Variants in BCR observed in about 807,000 individuals in gnomAD.
BCR encodes BCR activator of RhoGEF and GTPase.
BCR carries 58 observed loss-of-function variants against 138.6 expected under a neutral mutation model. The ratio of observed to expected loss-of-function variants is 0.42; its 90% CI spans 0.34 to 0.52. The LOEUF (loss-of-function observed/expected upper bound fraction) is 0.52. Among genes scored for constraint, BCR ranks in the 20% least tolerant of loss-of-function variants. The pLI, the probability that BCR is intolerant of heterozygous loss-of-function variation, is 0.06. For synonymous variants in BCR, 786 were observed against 730.1 expected (o/e 1.08, Z -1.23); for missense variants, 1,599 against 1,727.2 (o/e 0.93, Z 1.32).
At chr22:23,270,402 G>T (rs142572020) in intron 5 of BCR, among the ~76,000 whole-genome samples, 3 of 152,194 alleles carry the variant, frequency 2.0e-5, no homozygotes, top group Non-Finnish European at 4.4e-5. Flanking sequence ...AGGTTTTCCT[G>T]GAGCTCCTAG....
At chr22:23,240,944 G>T (rs2073083373) in intron 1 of BCR, among the ~76,000 whole-genome samples, 1 of 152,170 alleles carries the variant, frequency 6.6e-6, no homozygotes, top group Non-Finnish European at 1.5e-5. Flanking sequence ...TTGTTTGTTT[G>T]TGCCTGGCTG....
At chr22:23,209,579 T>A (rs1364901339) in intron 1 of BCR, among the ~76,000 whole-genome samples, 2 of 147,734 alleles carry the variant, frequency 1.4e-5, no homozygotes, top group Admixed American at 6.6e-5. Context: ...AGTCTCGCTC[T>A]GTTGCCCAGG....
At chr22:23,222,361 C>G (rs1392647930) in intron 1 of BCR, among the ~76,000 whole-genome samples, 1 of 152,078 alleles carries the variant, frequency 6.6e-6, no homozygotes, top group Admixed American at 6.5e-5. Context: ...AGTTTCCAGG[C>G]TAAGTGGGAA....
intron 16 of BCR, among the ~76,000 whole-genome samples, chr22:23,298,963 T>C (rs1002542482): frequency 1.3e-4 from 20 of 152,160 alleles, no homozygotes; most frequent in Admixed American, 1.3e-3. Flanking sequence ...GTGTTCCTGC[T>C]GCAACAGACC....
chr22:23,207,357 G>C (rs2072629671), intron 1 of BCR, among the ~76,000 whole-genome samples: 1 of 152,140 alleles, frequency 6.6e-6, no homozygotes, highest in African/African-American at 2.4e-5. Flanking sequence ...GACTCAAAAG[G>C]AGTATATTGT....
intron 4 of BCR, among the ~76,000 whole-genome samples, chr22:23,262,268 C>A (rs1273452888): frequency 1.3e-5 from 2 of 152,236 alleles, no homozygotes; most frequent in Non-Finnish European, 2.9e-5. Context: ...GCCCTTCCCC[C>A]AGCACTTCTG....
Position 23,180,874 on chromosome 22 carries a change from G to C in BCR, c.-87G>C. 2.7e-6 allele frequency: 2 copies of C among 741,598 alleles called. No individual in the cohort carries two copies. Among genetic ancestry groups the C allele is most frequent in the Non-Finnish European group, 1.5e-6 (1 of 677,790 alleles). The allele number at this position is 741,598 out of a possible 1,614,324, so 45.9% of individuals were successfully genotyped here. A position where few individuals can be genotyped will look rare whatever the true frequency, so the allele number is the denominator to read the frequency against. On this transcript the variant is annotated 5_prime_UTR_variant, in exon 1 of 23. Coordinates refer to ENST00000305877, the MANE Select transcript of BCR (RefSeq NM_004327.4). ...GCGCGGGCCATGGGGGCCGCCCGGC[G>C]CCCGGGGCCGGGCTGGCGAGGCGCC...
chr22:23,254,043 A>G, intron 2 of BCR, 63 bp downstream of exon 2: 1 of 1,518,832 alleles, frequency 6.6e-7, no homozygotes, highest in Non-Finnish European at 8.9e-7. Flanking sequence ...GCGCAGCCCC[A>G]TGCTCAGGGG....
chr22:23,290,409 T>C lies in BCR; in HGVS notation c.2778T>C (p.Ser926=). ...IVHSATGFKQ[S]SNLYCTLEVD... ...ACTCAGCCACTGGATTTAAGCAGAG[T>C]TCAAGTAAGTACTGGTTTGGGGAGG... is the stretch of plus-strand genomic sequence containing the variant. The change falls in exon 14 of 23, where the codon AGT becomes AGC. Residue 926 remains serine (S), a synonymous_variant. Coordinates refer to ENST00000305877, the MANE Select transcript of BCR (RefSeq NM_004327.4). The C allele has an allele frequency of 6.2e-7, 1 of 1,613,744 alleles. No homozygotes were observed. The highest frequency in any genetic ancestry group is 8.5e-7 in the Non-Finnish European group (1 of 1,179,774).
chr22:23,238,005 T>G (rs1420290514), intron 1 of BCR, among the ~76,000 whole-genome samples: 2 of 152,206 alleles, frequency 1.3e-5, no homozygotes, highest in Non-Finnish European at 2.9e-5. Flanking sequence ...CTTGTGCTTC[T>G]CAGTGCCGTT....
intron 9 of BCR, 35 bp downstream of exon 9, chr22:23,284,133 C>A: frequency 1.2e-6 from 2 of 1,609,636 alleles, no homozygotes. Flanking sequence ...CCAGCAGTGA[C>A]CCCACCCTGA....
intron 1 of BCR, among the ~76,000 whole-genome samples, chr22:23,229,011 G>C (rs551646809): frequency 6.6e-6 from 1 of 152,020 alleles, no homozygotes; most frequent in Non-Finnish European, 1.5e-5. Context: ...AACATCTTTT[G>C]ATGTTGTTCC....
intron 1 of BCR, among the ~76,000 whole-genome samples, chr22:23,210,798 G>A (rs1157477192): frequency 6.6e-6 from 1 of 152,224 alleles, no homozygotes; most frequent in South Asian, 2.1e-4. Flanking sequence ...ATTCATGCAA[G>A]TTGTGTGTAC....
At position 23,287,294 on chromosome 22, in the gene BCR, TC is replaced by T; in HGVS notation, c.2526+18del. 16 of 1,522,820 alleles carry T rather than the reference TC, an allele frequency of 1.1e-5. No individual in the cohort carries two copies. Among genetic ancestry groups the T allele is most frequent in the Non-Finnish European group, 1.4e-5 (16 of 1,132,770 alleles). 94.3% of individuals were successfully genotyped at this position (1,522,820 alleles called of 1,614,324 possible). A position where few individuals can be genotyped will look rare whatever the true frequency, so the allele number is the denominator to read the frequency against. The stretch of plus-strand genomic sequence containing the variant: ...CAACGGCAAGGTGAGCGCCTGCTGT[TC>T]CGGCCCCTCCTGCTCTCCTGGCCTG... On this transcript the variant is annotated intron_variant, in intron 11 of 22. Coordinates refer to ENST00000305877, the MANE Select transcript of BCR (RefSeq NM_004327.4).
intron 7 of BCR, 78 bp downstream of exon 7, chr22:23,273,211 T>C: frequency 1.3e-6 from 2 of 1,486,328 alleles, no homozygotes; most frequent in East Asian, 2.4e-5. Flanking sequence ...CTGAGACCTT[T>C]TTTTAGTTGT....
chr22:23,212,216 A>G (rs962390377), intron 1 of BCR, among the ~76,000 whole-genome samples: 5 of 152,170 alleles, frequency 3.3e-5, no homozygotes, highest in African/African-American at 1.2e-4. Flanking sequence ...ATCGAGCCAC[A>G]TGGACCCCTA....
chr22:23,273,925 T>A, intron 8 of BCR, 151 bp downstream of exon 8: 1 of 1,182,092 alleles, frequency 8.5e-7, no homozygotes, highest in East Asian at 2.5e-5. Flanking sequence ...CAGTCCTGTG[T>A]GGAAGGTGTC....
chr22:23,245,165 G>T (rs1349300958), intron 1 of BCR, among the ~76,000 whole-genome samples: 1 of 152,152 alleles, frequency 6.6e-6, no homozygotes, highest in Non-Finnish European at 1.5e-5. Flanking sequence ...GTGTGGGTTG[G>T]ACTTTCTCCT....
chr22:23,256,319 A>G (rs530635038), intron 2 of BCR, among the ~76,000 whole-genome samples: 18 of 152,094 alleles, frequency 1.2e-4, no homozygotes, highest in Non-Finnish European at 2.2e-4. Context: ...CTCCTGTGGC[A>G]TGGGTCTTCT....
Sources: gnomAD v4.1 joint callset for allele counts (sites outside exome capture counted in the v4.1 genomes callset) on GRCh38, gnomAD v4.1.1 for gene constraint, MANE v1.5 for transcripts, NCBI Gene and HGNC (gene_info 2026-07-23, HGNC 2026-07-21) for gene names.